Variants in RRAGB observed in about 807,000 individuals in gnomAD.
RRAGB encodes the protein ras-related GTP-binding protein B.
A neutral mutation model predicts 29.3 loss-of-function variants in RRAGB; 6 were observed. The observed-to-expected ratio is 0.21, with a 90% CI of 0.11 to 0.40. The LOEUF (loss-of-function observed/expected upper bound fraction) is 0.40, where lower values mean the gene tolerates loss of function less well. Ranked by LOEUF, RRAGB falls within the 10% of genes least tolerant of loss-of-function variation. The probability of loss-of-function intolerance (pLI) is 1.00; values close to 1 mark genes in which losing one functional copy is unlikely to be tolerated. For synonymous variants in RRAGB, 101 were observed against 92.5 expected, an observed-to-expected ratio of 1.09 and a Z score of -0.53; for missense variants, 184 against 272.9, an observed-to-expected ratio of 0.67 and a Z score of 2.29.
intron 8 of RRAGB, among the ~76,000 whole-genome samples, 193 bp downstream of exon 8, chrX:55,756,125 G>A (rs1429826755): frequency 9.0e-6 from 1 of 111,598 alleles, no homozygotes; most frequent in African/African-American, 3.3e-5. Flanking sequence ...AACTCAGCTG[G>A]TACAGAAGTG....
At chrX:55,740,338 AT>A (rs2034016934) in intron 5 of RRAGB, among the ~76,000 whole-genome samples, 1 of 111,166 alleles carries the variant, frequency 9.0e-6, no homozygotes, top group Non-Finnish European at 1.9e-5. Context: ...AAAAAAAATC[AT>A]TGTGATTTTG....
At chrX:55,749,515 C>A in intron 5 of RRAGB, among the ~76,000 whole-genome samples, 1 of 110,821 alleles carries the variant, frequency 9.0e-6, no homozygotes, top group South Asian at 3.9e-4. Flanking sequence ...TGCCCGGCCA[C>A]CACCCCATCT....
intron 5 of RRAGB, among the ~76,000 whole-genome samples, chrX:55,738,569 C>T (rs963438682): frequency 2.7e-5 from 3 of 112,614 alleles, no homozygotes; most frequent in Non-Finnish European, 3.8e-5. Flanking sequence ...GGCTCAAGAC[C>T]TCCCGATTAG....
intron 3 of RRAGB, among the ~76,000 whole-genome samples, chrX:55,727,729 GCAGT>G (rs2033533257): frequency 8.9e-6 from 1 of 111,984 alleles, no homozygotes; most frequent in Non-Finnish European, 1.9e-5. Flanking sequence ...AAGTTAGATA[GCAGT>G]CAATTTAAGC....
chrX:55,737,828 C>T (rs759435026), intron 5 of RRAGB, among the ~76,000 whole-genome samples: 2 of 112,763 alleles, frequency 1.8e-5, no homozygotes, highest in South Asian at 7.3e-4. Flanking sequence ...GATTGAAGGT[C>T]CCTGAGCAAA....
intron 9 of RRAGB, among the ~76,000 whole-genome samples, chrX:55,757,699 A>G (rs73216652): frequency 0.035 from 3,951 of 112,164 alleles, 83 homozygotes; most frequent in Non-Finnish European, 0.059. Flanking sequence ...ACCCAAATAC[A>G]TGATTTATGC....
At chrX:55,735,079 C>T (rs2033821709) in intron 5 of RRAGB, among the ~76,000 whole-genome samples, 2 of 111,913 alleles carry the variant, frequency 1.8e-5, no homozygotes, top group Admixed American at 9.5e-5. Flanking sequence ...GTGCTGACAA[C>T]AAGAATGTAT....
Position 55,755,012 on chromosome X carries a change from A to T in RRAGB, c.736-829A>T, listed in dbSNP as rs1041105525. ...CACACATGGTTGTAGAGGTTAACCT[A>T]ATATAAGCTCCCTGTTCCTTACTAA... On this transcript the variant is annotated intron_variant, in intron 7 of 9. Coordinates refer to ENST00000374941, the MANE Select transcript of RRAGB (RefSeq NM_006064.5). 7 of 627,299 alleles carry T rather than the reference A, an allele frequency of 1.1e-5. No homozygotes were observed. The East Asian group carries it at 8.2e-4, about 73-fold the overall frequency. 51.7% of individuals were successfully genotyped at this position (627,299 alleles called of 1,213,427 possible).
chrX:55,729,409 G>A, intron 4 of RRAGB, 49 bp downstream of exon 4: 1 of 823,428 alleles, frequency 1.2e-6, no homozygotes, highest in Non-Finnish European at 1.8e-6. Context: ...CAGTAATCGT[G>A]GCATCTAGTA....
At chrX:55,751,845 C>T (rs773363839) in intron 6 of RRAGB, among the ~76,000 whole-genome samples, 76 of 111,252 alleles carry the variant, frequency 6.8e-4, no homozygotes, top group African/African-American at 2.3e-3. Context: ...TATTCTGATT[C>T]CTCCCTTTCT....
In RRAGB at chrX:55,731,374, T is replaced by C; in HGVS notation, c.304T>C (p.Phe102Leu). The stretch of plus-strand genomic sequence containing the variant: ...TATTTTTTCTATCAGGCAAGACACC[T>C]TCATGGAAAATTATTTCACTAGCCA... Reference protein sequence around the residue: ...NLWDCGGQDTFMENYFTSQRD... With the variant: ...NLWDCGGQDTLMENYFTSQRD... The change falls in exon 5 of 10, where the codon TTC (phenylalanine) becomes CTC (leucine). Residue 102 changes from phenylalanine (F) to leucine (L), a missense_variant. Coordinates refer to ENST00000374941, the MANE Select transcript of RRAGB (RefSeq NM_006064.5). 1 of 1,205,599 alleles carries C rather than the reference T, an allele frequency of 8.3e-7. No homozygotes were observed. The highest frequency in any genetic ancestry group is 2.2e-5 in the Admixed American group (1 of 45,842).
At chrX:55,731,812 C>T (rs954651360) in intron 5 of RRAGB, 13 of 353,090 alleles carry the variant, frequency 3.7e-5, no homozygotes, top group Non-Finnish European at 6.3e-5. Context: ...GGATTCTGTC[C>T]AAGTGATCTC....
intron 5 of RRAGB, among the ~76,000 whole-genome samples, chrX:55,748,928 G>A (rs751553818): frequency 1.6e-4 from 15 of 94,315 alleles, no homozygotes; most frequent in Admixed American, 7.6e-4. Flanking sequence ...TCAGCCCCCC[G>A]CCCGGCCAGC....
At chrX:55,732,169 CAA>C (rs1471948047) in intron 5 of RRAGB, among the ~76,000 whole-genome samples, 1 of 111,827 alleles carries the variant, frequency 8.9e-6, no homozygotes, top group African/African-American at 3.2e-5. Flanking sequence ...TACAAAAAAA[CAA>C]ATATAGATAG....
In RRAGB at chrX:55,748,129, G is replaced by C. The variant is rs1048887207; in HGVS notation, c.517-2972G>C. 5.3e-5 allele frequency among the ~76,000 whole-genome samples: 6 copies of C among 112,776 alleles called. No individual in the cohort carries two copies. In the Admixed American group the frequency reaches 5.6e-4, roughly 10 times the overall value. On this transcript the variant is annotated intron_variant, in intron 5 of 9. Transcript: ENST00000374941. ...GAGTGATCCGCCAGCCTCGGCCTCC[G>C]GAGGTGCCGGGATTGCAGAGGGAGT...
At chrX:55,728,921 C>T (rs1203479754) in intron 3 of RRAGB, among the ~76,000 whole-genome samples, 1 of 105,808 alleles carries the variant, frequency 9.5e-6, no homozygotes, top group African/African-American at 3.4e-5. Context: ...TTTTTTGTTA[C>T]TTTTTTTTTT....
At chrX:55,754,407 T>C (rs2034605314) in intron 7 of RRAGB, among the ~76,000 whole-genome samples, 1 of 113,015 alleles carries the variant, frequency 8.8e-6, no homozygotes, top group South Asian at 3.6e-4. Context: ...ATAGCAATAA[T>C]AGAAACTAAG....
chrX:55,747,422 G>C (rs753367005), intron 5 of RRAGB, among the ~76,000 whole-genome samples: 16 of 111,825 alleles, frequency 1.4e-4, no homozygotes, highest in Admixed American at 1.1e-3. Context: ...CAGCTCTGCA[G>C]CTATAGGGGG....
intron 2 of RRAGB, among the ~76,000 whole-genome samples, chrX:55,720,040 TA>T (rs1447675918): frequency 8.9e-6 from 1 of 112,554 alleles, no homozygotes; most frequent in Non-Finnish European, 1.9e-5. Flanking sequence ...TTAGCCTTGG[TA>T]AGTCTTTCAT....
Sources: allele counts gnomAD v4.1 joint callset (sites outside exome capture counted in the v4.1 genomes callset), GRCh38; gene constraint gnomAD v4.1.1; transcripts MANE v1.5; gene names NCBI Gene and HGNC (gene_info 2026-07-23, HGNC 2026-07-21).